Variants in KCNJ6 observed in about 807,000 individuals in gnomAD.
KCNJ6 encodes G protein-activated inward rectifier potassium channel 2.
Under a neutral mutation model 34.2 loss-of-function variants are expected in KCNJ6, and 9 were observed. The ratio of observed to expected loss-of-function variants is 0.26; its 90% CI spans 0.16 to 0.46. The LOEUF (loss-of-function observed/expected upper bound fraction) is 0.46. Ranked by LOEUF, KCNJ6 falls within the 20% of genes least tolerant of loss-of-function variation. The probability of loss-of-function intolerance (pLI) is 1.00; values close to 1 mark genes in which losing one functional copy is unlikely to be tolerated. For synonymous variants in KCNJ6, 196 were observed against 207.1 expected, an observed-to-expected ratio of 0.95 and a Z score of 0.46; for missense variants, 236 against 531.3, an observed-to-expected ratio of 0.44 and a Z score of 5.46.
intron 2 of KCNJ6, among the ~76,000 whole-genome samples, chr21:37,795,276 T>G (rs190244667): frequency 8.5e-5 from 13 of 152,296 alleles, no homozygotes; most frequent in Non-Finnish European, 1.3e-4. Flanking sequence ...TTGATTTGTG[T>G]GGAGGTGTCC....
rs555592444 is a variant in KCNJ6 at position 37,897,030 on chromosome 21, C to G, written c.-28+18854G>C. On this transcript the variant is annotated intron_variant, in intron 1 of 3. Transcript: ENST00000609713. ...CCAGAGCCAGGAGGGCAGCTGGTAGCTGGTTCGTGTGGGAGGCTGAGCTTT... is the reference window on the plus strand; with the variant it reads ...CCAGAGCCAGGAGGGCAGCTGGTAGGTGGTTCGTGTGGGAGGCTGAGCTTT... 1.3e-3 allele frequency among the ~76,000 whole-genome samples: 193 copies of G among 152,338 alleles called. 2 individuals carry two copies. Among genetic ancestry groups the G allele is most frequent in the African/African-American group, 4.4e-3 (184 of 41,578 alleles).
intron 3 of KCNJ6, among the ~76,000 whole-genome samples, chr21:37,700,872 A>G (rs560845938): frequency 6.6e-6 from 1 of 152,220 alleles, no homozygotes; most frequent in Admixed American, 6.5e-5. Context: ...TCATTTGCAT[A>G]AGAGAGCCTA....
At chr21:37,784,075 A>T (rs2055182148) in intron 2 of KCNJ6, among the ~76,000 whole-genome samples, 1 of 151,996 alleles carries the variant, frequency 6.6e-6, no homozygotes, top group Admixed American at 6.5e-5. Context: ...ACGTGAGCTG[A>T]CTCCTACAGC....
chr21:37,694,780 C>A (rs1453700064), intron 3 of KCNJ6, among the ~76,000 whole-genome samples: 1 of 152,210 alleles, frequency 6.6e-6, no homozygotes, highest in African/African-American at 2.4e-5. Flanking sequence ...AAAGGTGAAA[C>A]GTCCCACTGT....
chr21:37,626,627 G>T (rs187135592), intron 3 of KCNJ6, among the ~76,000 whole-genome samples: 1 of 147,532 alleles, frequency 6.8e-6, no homozygotes, highest in Non-Finnish European at 1.5e-5. Flanking sequence ...GAAATGACAC[G>T]TGTGGTTTTT....
intron 2 of KCNJ6, among the ~76,000 whole-genome samples, chr21:37,827,150 T>A (rs2055403040): frequency 6.6e-6 from 1 of 152,120 alleles, no homozygotes; most frequent in Non-Finnish European, 1.5e-5. Context: ...GGGAATGATA[T>A]TTGGTTTGGG....
At chr21:37,731,688 G>A (rs1372227207) in intron 2 of KCNJ6, among the ~76,000 whole-genome samples, 1 of 152,168 alleles carries the variant, frequency 6.6e-6, no homozygotes, top group Non-Finnish European at 1.5e-5. Flanking sequence ...AACACCCAAG[G>A]GTGCTGAGCA....
intron 1 of KCNJ6, among the ~76,000 whole-genome samples, chr21:37,859,933 C>A (rs922542968): frequency 3.3e-5 from 5 of 152,052 alleles, no homozygotes; most frequent in African/African-American, 1.2e-4. Flanking sequence ...TGGATTCTGA[C>A]CTCTTTGCCT....
chr21:37,820,524 AT>A (rs2123553394), intron 2 of KCNJ6, among the ~76,000 whole-genome samples: 2 of 152,262 alleles, frequency 1.3e-5, no homozygotes, highest in South Asian at 4.1e-4. Context: ...ACTGCTTCAG[AT>A]GTCAGCAGCA....
At chr21:37,688,985 C>T (rs995540732) in intron 3 of KCNJ6, among the ~76,000 whole-genome samples, 1 of 152,094 alleles carries the variant, frequency 6.6e-6, no homozygotes, top group African/African-American at 2.4e-5. Flanking sequence ...TGTAGATATA[C>T]ACCAAAGGTG....
At chr21:37,769,279 G>A (rs1029413100) in intron 2 of KCNJ6, among the ~76,000 whole-genome samples, 1 of 152,042 alleles carries the variant, frequency 6.6e-6, no homozygotes, top group Non-Finnish European at 1.5e-5. Flanking sequence ...TGGCTAATGT[G>A]TGTATGCCAG....
At chr21:37,863,259 T>C (rs2055603696) in intron 1 of KCNJ6, among the ~76,000 whole-genome samples, 4 of 152,204 alleles carry the variant, frequency 2.6e-5, no homozygotes, top group Non-Finnish European at 4.4e-5. Context: ...GTTTTTGAAA[T>C]TCAGAGATTG....
chr21:37,781,400 C>A (rs773929546), intron 2 of KCNJ6, among the ~76,000 whole-genome samples: 6 of 152,240 alleles, frequency 3.9e-5, no homozygotes, highest in South Asian at 2.1e-4. Context: ...AGAAGGGATG[C>A]ATTTTGCATT....
chr21:37,686,768 C>G (rs916732187), intron 3 of KCNJ6, among the ~76,000 whole-genome samples: 1 of 151,914 alleles, frequency 6.6e-6, no homozygotes, highest in East Asian at 1.9e-4. Context: ...CGCCCAGCCT[C>G]TGTGTGAAGT....
intron 2 of KCNJ6, among the ~76,000 whole-genome samples, chr21:37,766,754 G>A (rs924473172): frequency 6.6e-6 from 1 of 152,148 alleles, no homozygotes. Flanking sequence ...TCTGTGGCCT[G>A]TTAGGAACTG....
chr21:37,748,302 C>T (rs549959628), intron 2 of KCNJ6, among the ~76,000 whole-genome samples: 62 of 152,212 alleles, frequency 4.1e-4, no homozygotes, highest in Middle Eastern at 6.8e-3. Context: ...CTCTGCTCAT[C>T]AAGATTTTTC....
chr21:37,757,584 C>A (rs1250473759), intron 2 of KCNJ6, among the ~76,000 whole-genome samples: 2 of 150,530 alleles, frequency 1.3e-5, no homozygotes, highest in African/African-American at 2.4e-5. Context: ...GTGAGCACTC[C>A]CTCACAGATT....
intron 2 of KCNJ6, among the ~76,000 whole-genome samples, chr21:37,747,350 G>A (rs1426404360): frequency 6.6e-6 from 1 of 152,206 alleles, no homozygotes; most frequent in Non-Finnish European, 1.5e-5. Flanking sequence ...GCTGTGGTAG[G>A]CAAAGCACTG....
At chr21:37,744,201 T>C (rs888540987) in intron 2 of KCNJ6, among the ~76,000 whole-genome samples, 1 of 149,594 alleles carries the variant, frequency 6.7e-6, no homozygotes, top group African/African-American at 2.5e-5. Flanking sequence ...TTAGGAGATA[T>C]ACCTAATGCT....
Sources: allele counts gnomAD v4.1 joint callset (sites outside exome capture counted in the v4.1 genomes callset), GRCh38; gene constraint gnomAD v4.1.1; transcripts MANE v1.5; gene names NCBI Gene and HGNC (gene_info 2026-07-23, HGNC 2026-07-21).